LRP1B: variants seen among roughly 807,000 people sequenced by gnomAD.
LRP1B encodes the protein low-density lipoprotein receptor-related protein 1B.
LRP1B carries 217 observed loss-of-function variants against 556.6 expected under a neutral mutation model. That is an observed-to-expected ratio of 0.39 (90% CI 0.35 to 0.44). LRP1B has a LOEUF of 0.44. Among genes scored for constraint, LRP1B ranks in the 20% least tolerant of loss-of-function variants. The probability of loss-of-function intolerance (pLI) is 1.00; values close to 1 mark genes in which losing one functional copy is unlikely to be tolerated. For missense variants in LRP1B, 5,053 were observed against 5,620.8 expected, an observed-to-expected ratio of 0.90 and a Z score of 3.23; for synonymous variants, 2,047 against 1,865.8, an observed-to-expected ratio of 1.10 and a Z score of -2.50.
intron 2 of LRP1B, among the ~76,000 whole-genome samples, chr2:141,564,025 A>G (rs1268641799): frequency 1.3e-5 from 2 of 152,124 alleles, no homozygotes; most frequent in East Asian, 3.9e-4. Context: ...ATAAAAGTTG[A>G]AATTATTTTA....
intron 37 of LRP1B, among the ~76,000 whole-genome samples, chr2:140,709,109 A>T (rs1686940962): frequency 1.3e-5 from 2 of 152,108 alleles, no homozygotes; most frequent in Non-Finnish European, 2.9e-5. Context: ...GCAAGATCCC[A>T]TGTTAATTTG....
intron 82 of LRP1B, among the ~76,000 whole-genome samples, chr2:140,318,110 G>T (rs1480130430): frequency 2.6e-5 from 4 of 152,030 alleles, no homozygotes; most frequent in Non-Finnish European, 5.9e-5. Context: ...AACAATAGCA[G>T]CCAGAGGTAG....
intron 66 of LRP1B, among the ~76,000 whole-genome samples, chr2:140,435,066 A>T (rs538095434): frequency 6.6e-6 from 1 of 152,322 alleles, no homozygotes; most frequent in African/African-American, 2.4e-5. Flanking sequence ...AGCAAAACTG[A>T]GTAATAGCTA....
chr2:140,490,198 G>A (rs1573997386), intron 57 of LRP1B, among the ~76,000 whole-genome samples: 1 of 151,992 alleles, frequency 6.6e-6, no homozygotes, highest in East Asian at 1.9e-4. Flanking sequence ...AGGAAATTGT[G>A]TTTTGTTTCT....
intron 1 of LRP1B, among the ~76,000 whole-genome samples, chr2:141,817,929 C>T (rs1364423289): frequency 6.6e-6 from 1 of 151,876 alleles, no homozygotes; most frequent in African/African-American, 2.4e-5. Context: ...AGCAATATCC[C>T]CAGGGACTCA....
At chr2:140,893,097 C>T (rs1230214840) in intron 23 of LRP1B, among the ~76,000 whole-genome samples, 2 of 152,012 alleles carry the variant, frequency 1.3e-5, no homozygotes, top group East Asian at 3.9e-4. Flanking sequence ...TACCTAGATC[C>T]AATTATAATG....
At chr2:141,922,781 T>G (rs1700225535) in intron 1 of LRP1B, among the ~76,000 whole-genome samples, 1 of 152,094 alleles carries the variant, frequency 6.6e-6, no homozygotes. Flanking sequence ...CTTAAGTGCT[T>G]CAGTTCTCTC....
chr2:140,411,514 T>C (rs1684968225), intron 66 of LRP1B, among the ~76,000 whole-genome samples: 1 of 152,078 alleles, frequency 6.6e-6, no homozygotes. Flanking sequence ...ATCTCACAAA[T>C]AATCTAATCC....
intron 5 of LRP1B, among the ~76,000 whole-genome samples, chr2:141,245,145 G>T (rs1684020392): frequency 6.6e-6 from 1 of 152,148 alleles, no homozygotes; most frequent in Non-Finnish European, 1.5e-5. Context: ...CACTTCTATA[G>T]TTCATCAATA....
At chr2:141,288,638 G>C (rs933366645) in intron 3 of LRP1B, among the ~76,000 whole-genome samples, 2 of 152,100 alleles carry the variant, frequency 1.3e-5, no homozygotes, top group Admixed American at 6.5e-5. Flanking sequence ...TATCTTAAAT[G>C]ATCTAAACTG....
intron 23 of LRP1B, among the ~76,000 whole-genome samples, chr2:140,887,378 A>G (rs970830782): frequency 6.6e-6 from 1 of 152,194 alleles, no homozygotes; most frequent in Non-Finnish European, 1.5e-5. Context: ...ATTTTTGCAT[A>G]TGGTATGAGA....
chr2:141,305,335 AT>A (rs1259611959), intron 3 of LRP1B, among the ~76,000 whole-genome samples: 1 of 151,714 alleles, frequency 6.6e-6, no homozygotes, highest in African/African-American at 2.4e-5. Flanking sequence ...GTTTTATTTT[AT>A]TTTATTTTTG....
intron 50 of LRP1B, 32 bp from the exon 51 acceptor site, chr2:140,514,804 A>G: frequency 6.3e-7 from 1 of 1,590,186 alleles, no homozygotes; most frequent in East Asian, 2.3e-5. Flanking sequence ...AAAAAAAAAT[A>G]GTTTGAGACC....
intron 83 of LRP1B, among the ~76,000 whole-genome samples, chr2:140,307,721 G>C (rs909346670): frequency 1.3e-5 from 2 of 151,710 alleles, no homozygotes; most frequent in African/African-American, 2.4e-5. Flanking sequence ...CAGTAATATA[G>C]TCATAGTCAG....
chr2:140,248,376 TTAAAAC>T (rs2104901649), intron 86 of LRP1B, among the ~76,000 whole-genome samples: 1 of 151,754 alleles, frequency 6.6e-6, no homozygotes, highest in Non-Finnish European at 1.5e-5. Flanking sequence ...AATGATAAAT[TTAAAAC>T]TATGAATATG....
At chr2:140,568,585 A>G (rs933011417) in intron 43 of LRP1B, among the ~76,000 whole-genome samples, 2 of 152,106 alleles carry the variant, frequency 1.3e-5, no homozygotes, top group African/African-American at 4.8e-5. Context: ...ATAGTTGAAA[A>G]TTGTCCAAAT....
chr2:141,623,643 A>T (rs1688585066), intron 2 of LRP1B, among the ~76,000 whole-genome samples: 1 of 152,154 alleles, frequency 6.6e-6, no homozygotes, highest in Non-Finnish European at 1.5e-5. Context: ...GTAACAAGCA[A>T]GCAAAATGAT....
chr2:141,428,097 A>G (rs996543881), intron 3 of LRP1B, among the ~76,000 whole-genome samples: 1 of 152,196 alleles, frequency 6.6e-6, no homozygotes, highest in Non-Finnish European at 1.5e-5. Context: ...TTTTCACATT[A>G]GAATCTGATA....
chr2:140,888,703 C>A (rs1470722793), intron 23 of LRP1B, among the ~76,000 whole-genome samples: 2 of 151,870 alleles, frequency 1.3e-5, no homozygotes, highest in Non-Finnish European at 2.9e-5. Context: ...GTGGCTCGTG[C>A]CTGTAATCCC....
Sources: allele counts gnomAD v4.1 joint callset (sites outside exome capture counted in the v4.1 genomes callset), GRCh38; gene constraint gnomAD v4.1.1; transcripts MANE v1.5; gene names NCBI Gene and HGNC (gene_info 2026-07-23, HGNC 2026-07-21).